PRKAR1B: variants seen among roughly 807,000 people sequenced by gnomAD.
PRKAR1B encodes protein kinase cAMP-dependent type I regulatory subunit beta.
PRKAR1B carries 22 observed loss-of-function variants against 46.5 expected under a neutral mutation model. The observed-to-expected ratio is 0.47, with a 90% CI of 0.34 to 0.68. The LOEUF (loss-of-function observed/expected upper bound fraction) is 0.68, where lower values mean the gene tolerates loss of function less well. Among genes scored for constraint, PRKAR1B ranks in the 30% least tolerant of loss-of-function variants. PRKAR1B has a pLI of 0.01. For missense variants in PRKAR1B, 445 were observed against 535.6 expected, an observed-to-expected ratio of 0.83 and a Z score of 1.67; for synonymous variants, 259 against 217.7, an observed-to-expected ratio of 1.19 and a Z score of -1.67.
intron 2 of PRKAR1B, among the ~76,000 whole-genome samples, chr7:704,889 A>C (rs565798482): frequency 5.3e-5 from 8 of 152,360 alleles, no homozygotes; most frequent in African/African-American, 1.2e-4. Context: ...CCTAATAAGA[A>C]AAATGGACAA....
chr7:571,493 T>C (rs1444973854), intron 9 of PRKAR1B, among the ~76,000 whole-genome samples: 2 of 152,194 alleles, frequency 1.3e-5, no homozygotes, highest in Non-Finnish European at 2.9e-5. Context: ...CTTTGCAACG[T>C]GTTGTTTTGC....
At chr7:662,494 T>A (rs1785656726) in intron 4 of PRKAR1B, among the ~76,000 whole-genome samples, 2 of 72,804 alleles carry the variant, frequency 2.7e-5, no homozygotes, top group African/African-American at 5.6e-5. Flanking sequence ...CTCCCCCCCA[T>A]GCCACAGGTC....
chr7:627,473 G>T (rs1228525480), intron 4 of PRKAR1B, among the ~76,000 whole-genome samples: 1 of 152,210 alleles, frequency 6.6e-6, no homozygotes, highest in African/African-American at 2.4e-5. Context: ...CACGCCTGAG[G>T]GTTTGCAAAG....
intron 9 of PRKAR1B, among the ~76,000 whole-genome samples, chr7:571,760 C>T (rs1245322554): frequency 6.6e-6 from 1 of 152,124 alleles, no homozygotes; most frequent in Non-Finnish European, 1.5e-5. Context: ...GAGGAATGTG[C>T]GCAGGGAACC....
At chr7:571,625 G>A (rs1262090297) in intron 9 of PRKAR1B, among the ~76,000 whole-genome samples, 2 of 152,230 alleles carry the variant, frequency 1.3e-5, no homozygotes, top group African/African-American at 4.8e-5. Flanking sequence ...AGGAAGCTGG[G>A]GAATTTCGGT....
intron 4 of PRKAR1B, among the ~76,000 whole-genome samples, chr7:675,024 CG>C (rs879570606): frequency 6.6e-6 from 1 of 152,180 alleles, no homozygotes; most frequent in Admixed American, 6.5e-5. Flanking sequence ...CAACACCCAT[CG>C]GGATCTTCAC....
chr7:579,175 C>G, intron 9 of PRKAR1B, 81 bp downstream of exon 9: 2 of 1,606,424 alleles, frequency 1.2e-6, no homozygotes, highest in African/African-American at 1.3e-5. Flanking sequence ...GAGGGTGAGG[C>G]GGGCAGTGGA....
At chr7:583,361 G>A (rs374396892) in intron 8 of PRKAR1B, among the ~76,000 whole-genome samples, 16 of 128,318 alleles carry the variant, frequency 1.2e-4, no homozygotes, top group Middle Eastern at 3.8e-3. Flanking sequence ...ACACACAGGC[G>A]CACACACCCA....
At chr7:573,017 C>T (rs928697840) in intron 9 of PRKAR1B, among the ~76,000 whole-genome samples, 5 of 152,152 alleles carry the variant, frequency 3.3e-5, no homozygotes, top group Non-Finnish European at 7.4e-5. Context: ...CGAGAAGCCG[C>T]CCCACCGGCC....
intron 5 of PRKAR1B, among the ~76,000 whole-genome samples, chr7:606,906 A>G (rs535602047): frequency 4.6e-5 from 7 of 152,262 alleles, no homozygotes; most frequent in East Asian, 1.9e-4. Flanking sequence ...ATGTGTACAT[A>G]TATGTATACA....
At chr7:583,669 C>T (rs979052024) in intron 8 of PRKAR1B, among the ~76,000 whole-genome samples, 3 of 146,798 alleles carry the variant, frequency 2.0e-5, no homozygotes, top group Non-Finnish European at 4.4e-5. Context: ...CGCACACACC[C>T]ACACACAACC....
Position 602,421 on chromosome 7 carries a change from C to A in PRKAR1B, c.549+3772G>T, listed in dbSNP as rs1305053278. The A allele has an allele frequency of 1.2e-5, 2 of 167,016 alleles. No homozygotes were observed. The highest frequency in any genetic ancestry group is 6.5e-5 in the Admixed American group (1 of 15,296). 10.3% of individuals were successfully genotyped at this position (167,016 alleles called of 1,614,324 possible). A position where few individuals can be genotyped will look rare whatever the true frequency, so the allele number is the denominator to read the frequency against. The stretch of plus-strand genomic sequence containing the variant: ...GAGGTCCCGCCAAGGTCAGCCGGGG[C>A]AGCAACACCTCCCGGCCCCTTTGCC... On this transcript the variant is annotated intron_variant, in intron 6 of 10. Transcript: ENST00000537384. This position sits in a 1 kb window ranked among gnomAD's most constrained non-coding sequence, Gnocchi z 6.4.
At chr7:648,215 T>G (rs777136513) in intron 4 of PRKAR1B, among the ~76,000 whole-genome samples, 1 of 152,158 alleles carries the variant, frequency 6.6e-6, no homozygotes, top group Non-Finnish European at 1.5e-5. Context: ...ATCTATAATG[T>G]TTCATTACAA....
intron 2 of PRKAR1B, among the ~76,000 whole-genome samples, chr7:697,871 G>A (rs919354098): frequency 4.6e-5 from 6 of 130,126 alleles, no homozygotes; most frequent in African/African-American, 1.1e-4. Context: ...AAGGGAAGGC[G>A]AAGGAAAGGA....
At chr7:605,374 C>T (rs1345421305) in intron 6 of PRKAR1B, among the ~76,000 whole-genome samples, 1 of 152,208 alleles carries the variant, frequency 6.6e-6, no homozygotes, top group East Asian at 1.9e-4. Context: ...AGAACAGGAG[C>T]CCAGCGGGGG....
chr7:599,953 G>C (rs1050960635), intron 6 of PRKAR1B, among the ~76,000 whole-genome samples: 2 of 139,328 alleles, frequency 1.4e-5, no homozygotes, highest in South Asian at 4.6e-4. Flanking sequence ...AGAGCTGGGG[G>C]AGGCGCACGG....
intron 8 of PRKAR1B, 63 bp downstream of exon 8, chr7:584,445 C>T (rs538131263): frequency 3.4e-5 from 49 of 1,448,972 alleles, no homozygotes; most frequent in South Asian, 2.7e-4. Flanking sequence ...GGGAAGAGGC[C>T]GGGGTGGCCA....
intron 9 of PRKAR1B, among the ~76,000 whole-genome samples, chr7:576,776 G>C (rs1429577648): frequency 6.6e-5 from 10 of 152,022 alleles, no homozygotes; most frequent in Admixed American, 6.6e-4. Flanking sequence ...GCCGCAGTGG[G>C]AAGCACCGGG....
At chr7:562,701 C>T (rs1778878024) in intron 9 of PRKAR1B, among the ~76,000 whole-genome samples, 4 of 152,244 alleles carry the variant, frequency 2.6e-5, no homozygotes, top group Admixed American at 2.6e-4. Context: ...ACACAGATCA[C>T]AACCAATCTG....
Sources: allele counts gnomAD v4.1 joint callset (sites outside exome capture counted in the v4.1 genomes callset), GRCh38; gene constraint gnomAD v4.1.1; non-coding constraint Gnocchi (gnomAD v3.1); transcripts MANE v1.5; gene names NCBI Gene and HGNC (gene_info 2026-07-23, HGNC 2026-07-21).